Variants in NRG3 observed in about 807,000 individuals in gnomAD.
NRG3 encodes the protein pro-neuregulin-3, membrane-bound isoform.
NRG3 carries 31 observed loss-of-function variants against 66.9 expected under a neutral mutation model. That is an observed-to-expected ratio of 0.46 (90% CI 0.35 to 0.63). The LOEUF (loss-of-function observed/expected upper bound fraction) is 0.63. Ranked by LOEUF, NRG3 falls within the 20% of genes least tolerant of loss-of-function variation. The pLI, the probability that NRG3 is intolerant of heterozygous loss-of-function variation, is 0.00. For synonymous variants in NRG3, 393 were observed against 359.4 expected, an observed-to-expected ratio of 1.09 and a Z score of -1.06; for missense variants, 910 against 878.9, an observed-to-expected ratio of 1.04 and a Z score of -0.45.
chr10:82,445,476 G>A (rs556367575), intron 2 of NRG3, among the ~76,000 whole-genome samples: 3 of 152,306 alleles, frequency 2.0e-5, no homozygotes, highest in Admixed American at 2.0e-4. Flanking sequence ...AGAGAAGGAT[G>A]TAATAAGCAT....
chr10:82,055,338 A>C lies in NRG3; in HGVS notation c.823+179175A>C, dbSNP rs924788932. Among the ~76,000 whole-genome samples the C allele has an allele frequency of 2.0e-5, 3 of 151,580 alleles. No homozygotes were observed. The East Asian group carries it at 5.9e-4, about 30-fold the overall frequency. ...AAAAATACAAAAAAAATAGCCAGGC[A>C]TGGTGACAGGCGCCTGTAATCTCAG... On this transcript the variant is annotated intron_variant, in intron 1 of 8. Transcript: ENST00000372141.
chr10:82,218,972 A>C (rs897118189), intron 1 of NRG3, among the ~76,000 whole-genome samples: 7 of 152,066 alleles, frequency 4.6e-5, no homozygotes, highest in Non-Finnish European at 7.4e-5. Context: ...TAAAAAACCT[A>C]TTAAATCTGA....
intron 1 of NRG3, among the ~76,000 whole-genome samples, chr10:81,958,606 A>G (rs1233625813): frequency 6.6e-6 from 1 of 152,254 alleles, no homozygotes; most frequent in Non-Finnish European, 1.5e-5. Flanking sequence ...CATATAACAC[A>G]TAAACAGATA....
intron 1 of NRG3, among the ~76,000 whole-genome samples, chr10:81,950,992 C>G (rs141436211): frequency 4.6e-5 from 7 of 152,188 alleles, no homozygotes; most frequent in South Asian, 4.1e-4. Flanking sequence ...ATGCTTGTTA[C>G]TACTAATTAG....
chr10:82,633,528 G>A (rs2049985540), intron 2 of NRG3, among the ~76,000 whole-genome samples: 1 of 152,186 alleles, frequency 6.6e-6, no homozygotes, highest in Non-Finnish European at 1.5e-5. Context: ...TCTGGAGGGT[G>A]AGAAGAGAGG....
At chr10:82,573,297 C>T (rs2133135588) in intron 2 of NRG3, among the ~76,000 whole-genome samples, 1 of 151,816 alleles carries the variant, frequency 6.6e-6, no homozygotes, top group African/African-American at 2.4e-5. Context: ...AAATGGAGTC[C>T]TGACTCAATT....
At chr10:81,984,333 A>G (rs902406546) in intron 1 of NRG3, among the ~76,000 whole-genome samples, 1 of 152,210 alleles carries the variant, frequency 6.6e-6, no homozygotes, top group African/African-American at 2.4e-5. Context: ...TCTTCTTTAC[A>G]ATCTGCTCCC....
intron 4 of NRG3, among the ~76,000 whole-genome samples, chr10:82,894,100 A>G (rs188417671): frequency 2.6e-5 from 4 of 152,354 alleles, no homozygotes; most frequent in Admixed American, 1.3e-4. Flanking sequence ...AAACATCCCA[A>G]AATTTATTTT....
At chr10:82,913,070 A>G (rs1043808047) in intron 4 of NRG3, among the ~76,000 whole-genome samples, 6 of 152,154 alleles carry the variant, frequency 3.9e-5, no homozygotes, top group Non-Finnish European at 7.4e-5. Flanking sequence ...CTAAAAATAC[A>G]AAATAATTAG....
intron 1 of NRG3, among the ~76,000 whole-genome samples, chr10:81,959,849 G>A (rs1256794713): frequency 1.3e-5 from 2 of 152,112 alleles, no homozygotes; most frequent in African/African-American, 2.4e-5. Flanking sequence ...ATGCATATAT[G>A]GTGGATATAT....
At chr10:82,209,391 A>G (rs929274910) in intron 1 of NRG3, among the ~76,000 whole-genome samples, 2 of 152,242 alleles carry the variant, frequency 1.3e-5, no homozygotes, top group African/African-American at 4.8e-5. Flanking sequence ...TTAAAGAGAC[A>G]TATCTTGTCC....
chr10:81,968,165 G>A (rs767508102), intron 1 of NRG3, among the ~76,000 whole-genome samples: 5 of 152,208 alleles, frequency 3.3e-5, no homozygotes, highest in Non-Finnish European at 7.3e-5. Flanking sequence ...TGGGCAAGGA[G>A]AATAACAAAT....
intron 2 of NRG3, among the ~76,000 whole-genome samples, chr10:82,680,910 T>C (rs1371493716): frequency 3.9e-5 from 6 of 152,212 alleles, no homozygotes; most frequent in Admixed American, 3.9e-4. Context: ...AGCCACATGA[T>C]CCTGTGGCTG....
At chr10:82,597,730 G>C (rs1486369905) in intron 2 of NRG3, among the ~76,000 whole-genome samples, 1 of 152,066 alleles carries the variant, frequency 6.6e-6, no homozygotes, top group Non-Finnish European at 1.5e-5. Context: ...AGACCATCCT[G>C]GCCAACATGG....
At chr10:82,785,278 A>G (rs2060306347) in intron 3 of NRG3, among the ~76,000 whole-genome samples, 1 of 152,030 alleles carries the variant, frequency 6.6e-6, no homozygotes, top group South Asian at 2.1e-4. Flanking sequence ...TGGGTGCAGC[A>G]CACCAGCATG....
intron 1 of NRG3, among the ~76,000 whole-genome samples, chr10:81,963,877 G>T (rs1020621179): frequency 1.3e-5 from 2 of 152,166 alleles, no homozygotes; most frequent in African/African-American, 4.8e-5. Context: ...TGTAGAGGCA[G>T]AATTTCTGTC....
At chr10:82,682,744 T>A (rs3000988) in intron 2 of NRG3, among the ~76,000 whole-genome samples, 131,584 of 152,036 alleles carry the variant, frequency 0.87, 57,379 homozygotes, top group East Asian at 1. Flanking sequence ...GCTTTTCTTG[T>A]GTATTGGTGT....
chr10:82,559,415 G>A (rs949262598), intron 2 of NRG3, among the ~76,000 whole-genome samples: 2 of 152,142 alleles, frequency 1.3e-5, no homozygotes, highest in Non-Finnish European at 2.9e-5. Context: ...CTAAGCCGAG[G>A]GGGATTCATT....
At chr10:82,610,349 T>C (rs2048235795) in intron 2 of NRG3, among the ~76,000 whole-genome samples, 1 of 152,116 alleles carries the variant, frequency 6.6e-6, no homozygotes, top group South Asian at 2.1e-4. Flanking sequence ...GGGATTAGAG[T>C]GTGGACCTCT....
Sources: allele counts gnomAD v4.1 joint callset (sites outside exome capture counted in the v4.1 genomes callset), GRCh38; gene constraint gnomAD v4.1.1; transcripts MANE v1.5; gene names NCBI Gene and HGNC (gene_info 2026-07-23, HGNC 2026-07-21).